The following PPP3CA variants were observed in gnomAD, a reference collection of about 807,000 sequenced individuals.
PPP3CA encodes the protein CAM-PRP catalytic subunit.
Under a neutral mutation model 66.5 loss-of-function variants are expected in PPP3CA, and 14 were observed. The ratio of observed to expected loss-of-function variants is 0.21; its 90% confidence interval spans 0.14 to 0.33. The LOEUF (loss-of-function observed/expected upper bound fraction) is 0.33, where lower values mean the gene tolerates loss of function less well. Among genes scored for constraint, PPP3CA ranks in the 10% least tolerant of loss-of-function variants. PPP3CA has a pLI of 1.00. For synonymous variants in PPP3CA, 232 were observed against 226.2 expected, an observed-to-expected ratio of 1.03 and a Z score of -0.23; for missense variants, 317 against 639.5, an observed-to-expected ratio of 0.50 and a Z score of 5.44.
At chr4:101,083,084 G>A (rs533965974) in intron 7 of PPP3CA, 102 bp downstream of exon 7, 2 of 810,388 alleles carry the variant, frequency 2.5e-6, no homozygotes, top group Non-Finnish European at 3.6e-6. Flanking sequence ...ATTCCTTTTG[G>A]GAGTGAGCCT....
chr4:101,177,955 G>A (rs958347544), intron 2 of PPP3CA, among the ~76,000 whole-genome samples: 2 of 151,974 alleles, frequency 1.3e-5, no homozygotes, highest in African/African-American at 2.4e-5. Context: ...TTTACAGAAG[G>A]TTTCAGTGAA....
chr4:101,296,156 C>T (rs2110294186), intron 1 of PPP3CA, among the ~76,000 whole-genome samples: 1 of 152,202 alleles, frequency 6.6e-6, no homozygotes, highest in East Asian at 1.9e-4. Context: ...AAGGAATTTC[C>T]TAACCTTGTT....
At chr4:101,060,007 A>T (rs561076200) in intron 10 of PPP3CA, among the ~76,000 whole-genome samples, 1 of 152,232 alleles carries the variant, frequency 6.6e-6, no homozygotes, top group South Asian at 2.1e-4. Context: ...TTCAGTATAG[A>T]TGCAACTTTT....
At chr4:101,123,344 T>C (rs919119756) in intron 2 of PPP3CA, among the ~76,000 whole-genome samples, 5 of 152,240 alleles carry the variant, frequency 3.3e-5, no homozygotes, top group African/African-American at 7.2e-5. Context: ...AATGGTGAAC[T>C]TGATGAAGTC....
intron 2 of PPP3CA, among the ~76,000 whole-genome samples, chr4:101,189,139 A>G (rs1724506968): frequency 6.6e-6 from 1 of 152,168 alleles, no homozygotes; most frequent in Non-Finnish European, 1.5e-5. Flanking sequence ...TCAGGAAAAC[A>G]GAACAGACTA....
intron 1 of PPP3CA, 101 bp downstream of exon 1, chr4:101,346,638 G>T: frequency 9.7e-7 from 1 of 1,030,290 alleles, no homozygotes; most frequent in Non-Finnish European, 1.5e-6. Flanking sequence ...GCGGACAGAG[G>T]AGAACCTGGG....
In PPP3CA at chr4:101,225,226, T is replaced by A. The variant is rs186476464; in HGVS notation, c.59-29110A>T. On this transcript the variant is annotated intron_variant, in intron 1 of 13. Transcript: ENST00000394854. Reference sequence around the variant, plus strand: ...ACTATTTGATTTATAATTTATCTTTTTTCTGTCACTAGAATGGAAGCTTCA... The same window carrying A: ...ACTATTTGATTTATAATTTATCTTTATTCTGTCACTAGAATGGAAGCTTCA... Among the ~76,000 whole-genome samples, 405 of 150,216 alleles carry A rather than the reference T, an allele frequency of 2.7e-3. 4 individuals carry two copies. Among genetic ancestry groups the A allele is most frequent in the African/African-American group, 9.3e-3 (379 of 40,880 alleles).
chr4:101,247,951 CAT>C (rs1033908237), intron 1 of PPP3CA, among the ~76,000 whole-genome samples: 2 of 151,932 alleles, frequency 1.3e-5, no homozygotes, highest in Admixed American at 6.6e-5. Context: ...CACACACACA[CAT>C]ATATGAGAAA....
chr4:101,135,102 G>A (rs1030124089), intron 2 of PPP3CA, among the ~76,000 whole-genome samples: 3 of 152,054 alleles, frequency 2.0e-5, no homozygotes, highest in Non-Finnish European at 4.4e-5. Context: ...ATAGCATGAG[G>A]AGAAATACCT....
intron 11 of PPP3CA, among the ~76,000 whole-genome samples, chr4:101,033,967 G>T (rs1202486363): frequency 1.3e-5 from 2 of 152,118 alleles, no homozygotes. Flanking sequence ...CTCCATCCGA[G>T]TCACACTCTT....
chr4:101,338,377 C>T (rs1234154258), intron 1 of PPP3CA, among the ~76,000 whole-genome samples: 1 of 152,148 alleles, frequency 6.6e-6, no homozygotes, highest in Admixed American at 6.5e-5. Context: ...GTACTGATCA[C>T]GATTTAAGAT....
At chr4:101,085,532 A>C (rs1729626444) in intron 6 of PPP3CA, among the ~76,000 whole-genome samples, 1 of 152,224 alleles carries the variant, frequency 6.6e-6, no homozygotes, top group Non-Finnish European at 1.5e-5. Flanking sequence ...AACAGCATTA[A>C]GTGAGGAGTA....
chr4:101,193,035 G>C (rs938625847), intron 2 of PPP3CA, among the ~76,000 whole-genome samples: 4 of 152,178 alleles, frequency 2.6e-5, no homozygotes, highest in Non-Finnish European at 4.4e-5. Flanking sequence ...TTTTAAATTA[G>C]CTATATCCAC....
intron 2 of PPP3CA, 127 bp from the exon 3 acceptor site, chr4:101,109,205 A>C: frequency 9.9e-7 from 1 of 1,009,930 alleles, no homozygotes; most frequent in East Asian, 2.7e-5. Flanking sequence ...CTTTTGCAGA[A>C]CAAGAAGTAC....
rs1726576074 is a variant in PPP3CA at position 101,025,280 on chromosome 4, C to T, written c.*585G>A. 1 of 148,782 alleles carries T rather than the reference C, an allele frequency of 6.7e-6. No individual in the cohort carries two copies. The highest frequency in any genetic ancestry group is 1.5e-5 in the Non-Finnish European group (1 of 67,208). The allele number at this position is 148,782 out of a possible 1,614,324, so 9.2% of individuals were successfully genotyped here. A position where few individuals can be genotyped will look rare whatever the true frequency, so the allele number is the denominator to read the frequency against. On this transcript the variant is annotated 3_prime_UTR_variant, in exon 14 of 14. Transcript: ENST00000394854. ...CCTTTTTGGCATTTTAACAAATTTG[C>T]AACGTTCTTTTTTTTCTTTTTCTGT...
At chr4:101,275,904 T>C (rs1727480140) in intron 1 of PPP3CA, among the ~76,000 whole-genome samples, 1 of 150,992 alleles carries the variant, frequency 6.6e-6, no homozygotes, top group Non-Finnish European at 1.5e-5. Flanking sequence ...TTTTGTTTTT[T>C]GTTTTTTTTT....
At chr4:101,029,283 G>T in intron 12 of PPP3CA, 88 bp from the exon 13 acceptor site, 1 of 1,113,414 alleles carries the variant, frequency 9.0e-7, no homozygotes, top group South Asian at 1.3e-5. Flanking sequence ...ACCATCAAAG[G>T]AGCTAAGAGA....
intron 2 of PPP3CA, among the ~76,000 whole-genome samples, chr4:101,160,691 A>T (rs1723476318): frequency 6.6e-6 from 1 of 152,046 alleles, no homozygotes; most frequent in Non-Finnish European, 1.5e-5. Flanking sequence ...GATTTTCATG[A>T]ATCAATAGCT....
intron 2 of PPP3CA, among the ~76,000 whole-genome samples, chr4:101,172,011 A>C (rs966919864): frequency 1.1e-4 from 17 of 152,180 alleles, no homozygotes; most frequent in South Asian, 2.1e-4. Flanking sequence ...ATTTCTTATT[A>C]AACGAGTCAT....
Sources: gnomAD v4.1 joint callset for allele counts (sites outside exome capture counted in the v4.1 genomes callset) on GRCh38, gnomAD v4.1.1 for gene constraint, MANE v1.5 for transcripts, NCBI Gene and HGNC (gene_info 2026-07-23, HGNC 2026-07-21) for gene names.